DOCK8: variants seen among roughly 807,000 people sequenced by gnomAD.
DOCK8 encodes dedicator of cytokinesis protein 8.
In DOCK8, 141 loss-of-function variants were observed where a neutral mutation model predicts 245.6. The observed-to-expected ratio is 0.57, with a 90% CI of 0.50 to 0.66. The LOEUF is 0.66. DOCK8 is among the 30% of genes least tolerant of loss of function. The pLI is 0.00. For missense variants in DOCK8, 2,965 were observed against 2,603.4 expected (o/e 1.14, Z -3.02); for synonymous variants, 1,168 against 970.2 (o/e 1.20, Z -3.79).
intron 1 of DOCK8, among the ~76,000 whole-genome samples, chr9:215,926 A>G (rs542723402): frequency 1.2e-4 from 19 of 152,306 alleles, no homozygotes; most frequent in Non-Finnish European, 2.1e-4. Flanking sequence ...AACTTATTCT[A>G]TTGCCCACAG....
chr9:259,157 T>C (rs1210635070), intron 1 of DOCK8, among the ~76,000 whole-genome samples: 2 of 151,836 alleles, frequency 1.3e-5, no homozygotes, highest in African/African-American at 4.8e-5. Context: ...AATTAAAAAT[T>C]AGGTATGGTG....
chr9:212,761 G>C (rs584922), upstream of DOCK8: 2 of 151,942 alleles, frequency 1.3e-5, no homozygotes, highest in Non-Finnish European at 2.9e-5. Context: ...AAGATGGAAG[G>C]TTTTATGATT....
intron 1 of DOCK8, among the ~76,000 whole-genome samples, chr9:239,563 G>A (rs1468207000): frequency 6.6e-6 from 1 of 152,018 alleles, no homozygotes; most frequent in Non-Finnish European, 1.5e-5. Context: ...CTGTAGTCAG[G>A]GATTAGAGAC....
At chr9:343,521 C>A (rs968770885) in intron 14 of DOCK8, among the ~76,000 whole-genome samples, 2 of 151,928 alleles carry the variant, frequency 1.3e-5, no homozygotes, top group African/African-American at 2.4e-5. Context: ...TAAAATTATA[C>A]TGAGAAATAC....
chr9:414,727 T>C, intron 28 of DOCK8, 55 bp from the exon 29 acceptor site: 1 of 1,610,930 alleles, frequency 6.2e-7, no homozygotes, highest in Non-Finnish European at 8.5e-7. Context: ...GTTTAAGAGC[T>C]CTTTAGTCAA....
intron 11 of DOCK8, 63 bp downstream of exon 11, chr9:334,447 G>A: frequency 6.4e-7 from 1 of 1,561,944 alleles, no homozygotes; most frequent in Non-Finnish European, 8.7e-7. Context: ...CAGGTCCACA[G>A]CTTACTAGCG....
chr9:358,310 T>C (rs1240359183), intron 14 of DOCK8, among the ~76,000 whole-genome samples: 2 of 152,114 alleles, frequency 1.3e-5, no homozygotes, highest in African/African-American at 4.8e-5. Context: ...GCTAGGCTAG[T>C]CTCGAACTCC....
chr9:234,643 C>A (rs969126265), intron 1 of DOCK8, among the ~76,000 whole-genome samples: 1 of 152,170 alleles, frequency 6.6e-6, no homozygotes, highest in South Asian at 2.1e-4. Flanking sequence ...TCATTTCATT[C>A]ATTTCATCTT....
chr9:216,627 G>C (rs935110507), intron 1 of DOCK8, among the ~76,000 whole-genome samples: 1 of 151,208 alleles, frequency 6.6e-6, no homozygotes, highest in Non-Finnish European at 1.5e-5. Context: ...GTTCATAGCT[G>C]TTGCATGCCA....
chr9:372,262 C>T lies in DOCK8; in HGVS notation c.2085C>T (p.Pro695=). ...CLPVALEKLP[P]NYSMHSAEKV... ...CAGTTGCCTTGGAAAAATTGCCACCCAACTACTCCATGCATTCTGCTGAGG... is the reference window on the plus strand; with the variant it reads ...CAGTTGCCTTGGAAAAATTGCCACCTAACTACTCCATGCATTCTGCTGAGG... Residue 695 remains proline (P), a synonymous_variant, in exon 18 of 48, where the codon CCC becomes CCT. Coordinates refer to ENST00000432829, the MANE Select transcript of DOCK8 (RefSeq NM_203447.4). 1.2e-6 allele frequency: 2 copies of T among 1,613,998 alleles called. No homozygotes were observed. The highest frequency in any genetic ancestry group is 1.7e-6 in the Non-Finnish European group (2 of 1,179,918).
At chr9:400,102 A>ACCT (rs2054738036) in intron 26 of DOCK8, among the ~76,000 whole-genome samples, 1 of 108,652 alleles carries the variant, frequency 9.2e-6, no homozygotes, top group Non-Finnish European at 1.8e-5. Flanking sequence ...CATCACCACC[A>ACCT]CCACCTCCAC....
rs1431951197 is a variant in DOCK8, at chr9:334,304, C to T, written c.1205C>T (p.Ala402Val). The change falls in exon 11 of 48, where the codon GCC (alanine) becomes GTC (valine). Residue 402 changes from alanine (A) to valine (V), a missense_variant. Ala to Val is a moderately conservative substitution (Grantham distance 64, BLOSUM62 0). This residue lies in a region of DOCK8 where 2,825 missense variants were observed against 2,453.5 expected (regional missense o/e 1.15). Transcript: ENST00000432829. ...QRLGKYRMPFAWAPISLSSFF... is the reference protein window; with the variant it reads ...QRLGKYRMPFVWAPISLSSFF... ...TTGGGGAAATACCGGATGCCCTTTG[C>T]CTGGGCACCCATAAGCTTATCAAGC... 1 of 1,614,156 alleles carries T rather than the reference C, an allele frequency of 6.2e-7. No homozygotes were observed. The highest frequency in any genetic ancestry group is 1.7e-5 in the Admixed American group (1 of 60,024).
intron 6 of DOCK8, among the ~76,000 whole-genome samples, chr9:314,955 A>G (rs1296272774): frequency 6.6e-6 from 1 of 152,180 alleles, no homozygotes; most frequent in African/African-American, 2.4e-5. Context: ...TCCCTAATTC[A>G]TTCTGAGTCT....
At chr9:362,917 A>C (rs750587) in intron 14 of DOCK8, among the ~76,000 whole-genome samples, 1 of 151,970 alleles carries the variant, frequency 6.6e-6, no homozygotes, top group African/African-American at 2.4e-5. Flanking sequence ...TCTCAGCAAA[A>C]GAAATAGAAG....
In DOCK8 at chr9:399,253, C is replaced by G. The variant is rs1023919711; in HGVS notation, c.3228C>G (p.Cys1076Trp). 1 of 1,612,688 alleles carries G rather than the reference C, an allele frequency of 6.2e-7. No individual in the cohort carries two copies. Among genetic ancestry groups the G allele is most frequent in the African/African-American group, 1.3e-5 (1 of 74,754 alleles). The stretch of plus-strand genomic sequence containing the variant: ...TGTTTAACCTCATCAGACATTATTG[C>G]AGCCAGGTGAGTGTCCCCCCCACCC... ...GFVFNLIRHY[C>W]SQLSAKLSNL... Residue 1076 changes from cysteine (C) to tryptophan (W), a missense_variant, in exon 26 of 48, where the codon TGC (cysteine) becomes TGG (tryptophan). Transcript: ENST00000432829.
At chr9:403,917 CATATATATATA>C (rs2055253020) in intron 26 of DOCK8, among the ~76,000 whole-genome samples, 2 of 65,134 alleles carry the variant, frequency 3.1e-5, no homozygotes, top group Admixed American at 1.7e-4. Context: ...TATATATATA[CATATATATATA>C]TGTGTATATA....
chr9:243,728 G>C (rs2047433459), intron 1 of DOCK8, among the ~76,000 whole-genome samples: 1 of 152,048 alleles, frequency 6.6e-6, no homozygotes, highest in Admixed American at 6.6e-5. Context: ...GTATCTCACT[G>C]TCTGAATCTA....
intron 22 of DOCK8, among the ~76,000 whole-genome samples, chr9:383,193 A>G (rs10973299): frequency 0.17 from 25,701 of 151,836 alleles, 2,696 homozygotes; most frequent in South Asian, 0.27. Flanking sequence ...TGAGGCCAAG[A>G]GTTCAAGACC....
chr9:260,862 G>C (rs1291374603), intron 1 of DOCK8, among the ~76,000 whole-genome samples: 3 of 152,138 alleles, frequency 2.0e-5, no homozygotes, highest in Non-Finnish European at 4.4e-5. Context: ...ATAATAAAAA[G>C]GAATGAACAA....
Sources: allele counts gnomAD v4.1 joint callset (sites outside exome capture counted in the v4.1 genomes callset), GRCh38; gene constraint gnomAD v4.1.1; regional missense constraint gnomAD v4.1.1; transcripts MANE v1.5; gene names NCBI Gene and HGNC (gene_info 2026-07-23, HGNC 2026-07-21).